Variants in UPK1B observed in about 807,000 individuals in gnomAD.
The protein encoded by UPK1B is uroplakin 1B.
UPK1B carries 28 observed loss-of-function variants against 34.2 expected under a neutral mutation model. The ratio of observed to expected loss-of-function variants is 0.82; its 90% CI spans 0.61 to 1.12. The LOEUF (loss-of-function observed/expected upper bound fraction) is 1.12, where lower values mean the gene tolerates loss of function less well. Among genes scored for constraint, UPK1B ranks in the 50% most tolerant of loss-of-function variants. The pLI is 0.00. For missense variants in UPK1B, 325 were observed against 320.9 expected (o/e 1.01, Z -0.10); for synonymous variants, 81 against 110.4 (o/e 0.73, Z 1.67).
rs1042853454 is a variant in UPK1B at position 119,203,821 on chromosome 3, C to T, written c.733-96C>T. ...AAACAAACAAAAAAATCTGTTGTCACCTAAGCCTGAATGAACCTAACATCC... is the reference window on the plus strand; with the variant it reads ...AAACAAACAAAAAAATCTGTTGTCATCTAAGCCTGAATGAACCTAACATCC... On this transcript the variant is annotated intron_variant, in intron 7 of 7. Coordinates refer to ENST00000264234, the MANE Select transcript of UPK1B (RefSeq NM_006952.4). The T allele has an allele frequency of 5.4e-6, 7 of 1,301,634 alleles. No individual in the cohort carries two copies. In the Admixed American group the frequency reaches 1.1e-4, roughly 20 times the overall value. 80.6% of individuals were successfully genotyped at this position (1,301,634 alleles called of 1,614,324 possible). A position where few individuals can be genotyped will look rare whatever the true frequency, so the allele number is the denominator to read the frequency against.
At position 119,204,062 on chromosome 3, in the gene UPK1B, A is replaced by G; in HGVS notation, c.*95A>G. On this transcript the variant is annotated 3_prime_UTR_variant, in exon 8 of 8. Transcript: ENST00000264234. ...CTAATATTCCACGTTTGTGCCCCAC[A>G]CTAACGTGTGTGTCTTACATTGCCA... 1.4e-6 allele frequency: 2 copies of G among 1,421,846 alleles called. No individual in the cohort carries two copies. The highest frequency in any genetic ancestry group is 2.3e-5 in the South Asian group (2 of 86,662). The allele number at this position is 1,421,846 out of a possible 1,614,324, so 88.1% of individuals were successfully genotyped here.
chr3:119,199,141 G>GT lies in UPK1B; in HGVS notation c.732+2dup. ...TGGATTTGCCATTCTCTGCTGGACT[G>GT]TGAGTATTTCCCAGCACATATTTTA... On this transcript the variant is annotated splice_donor_variant, in intron 7 of 7. Transcript: ENST00000264234. LOFTEE classifies it high-confidence loss of function. 6.2e-7 allele frequency: 1 copy of GT among 1,614,028 alleles called. No homozygotes were observed.
intron 6 of UPK1B, among the ~76,000 whole-genome samples, chr3:119,195,431 GCTGACAGGGTGC>G (rs1576871480): frequency 6.6e-6 from 1 of 152,348 alleles, no homozygotes; most frequent in East Asian, 1.9e-4. Flanking sequence ...TGGCACTGTT[GCTGACAGGGTGC>G]CTGGACTAGA....
At chr3:119,196,535 C>CTTTT (rs34406185) in intron 6 of UPK1B, among the ~76,000 whole-genome samples, 4 of 107,176 alleles carry the variant, frequency 3.7e-5, no homozygotes, top group South Asian at 3.1e-4. Context: ...TTTTCTTTTT[C>CTTTT]TTTTTTTTTT....
At chr3:119,178,142 G>A (rs2077966421) in intron 1 of UPK1B, among the ~76,000 whole-genome samples, 3 of 152,188 alleles carry the variant, frequency 2.0e-5, no homozygotes, top group Admixed American at 6.5e-5. Context: ...GAACCTGGAT[G>A]GGTGCTGCCT....
Position 119,194,374 on chromosome 3 carries a change from C to G in UPK1B, c.624C>G (p.Gly208=). Residue 208 remains glycine, a synonymous_variant, in exon 6 of 8, where the codon GGC becomes GGG. Transcript: ENST00000264234. ...EPLNLEACKL[G]VPGFYHNQGC... ...TCAACCTGGAGGCTTGTAAACTAGG[C>G]GTGCCTGGTTTTTATCACAATCAGG... 2 of 1,612,714 alleles carry G rather than the reference C, an allele frequency of 1.2e-6. No homozygotes were observed. The highest frequency in any genetic ancestry group is 1.1e-5 in the South Asian group (1 of 90,944).
chr3:119,181,717 T>C (rs2077990236), intron 1 of UPK1B, among the ~76,000 whole-genome samples: 1 of 152,240 alleles, frequency 6.6e-6, no homozygotes, highest in Admixed American at 6.5e-5. Flanking sequence ...TTTATCTTTT[T>C]ATTTAGCAAA....
intron 3 of UPK1B, 43 bp from the exon 4 acceptor site, chr3:119,190,202 A>T: frequency 6.9e-7 from 1 of 1,456,116 alleles, no homozygotes; most frequent in Non-Finnish European, 9.5e-7. Flanking sequence ...TCGCTCTTTG[A>T]CGGGTAAATG....
intron 6 of UPK1B, among the ~76,000 whole-genome samples, chr3:119,197,152 G>C (rs980766645): frequency 5.3e-5 from 8 of 152,148 alleles, no homozygotes; most frequent in African/African-American, 1.9e-4. Flanking sequence ...GTCACTATAA[G>C]CTTGTTAATA....
chr3:119,177,276 A>G (rs2077961192), intron 1 of UPK1B, among the ~76,000 whole-genome samples: 1 of 152,190 alleles, frequency 6.6e-6, no homozygotes, highest in African/African-American at 2.4e-5. Flanking sequence ...TCTCATGGGT[A>G]GGCTCACAGG....
rs1019677591 is a variant in UPK1B, at chr3:119,194,145, A to C, written c.469-74A>C. On this transcript the variant is annotated intron_variant, in intron 5 of 7. Transcript: ENST00000264234. ...ACTTTCCGTATCTTCTTTCTCTATAAAATTTCAGTTGCTACATTGATGGCT... is the reference window on the plus strand; with the variant it reads ...ACTTTCCGTATCTTCTTTCTCTATACAATTTCAGTTGCTACATTGATGGCT... The C allele has an allele frequency of 2.8e-6, 4 of 1,405,140 alleles. No homozygotes were observed. In the African/African-American group the frequency reaches 5.8e-5, roughly 21 times the overall value. 87.0% of individuals were successfully genotyped at this position (1,405,140 alleles called of 1,614,324 possible).
Position 119,204,891 on chromosome 3 carries a change from C to T in UPK1B, c.*924C>T, listed in dbSNP as rs72955073. 81 of 152,356 alleles carry T rather than the reference C, an allele frequency of 5.3e-4. No individual in the cohort carries two copies. The highest frequency in any genetic ancestry group is 1.9e-3 in the African/African-American group (79 of 41,542). 9.4% of individuals were successfully genotyped at this position (152,356 alleles called of 1,614,324 possible). A position where few individuals can be genotyped will look rare whatever the true frequency, so the allele number is the denominator to read the frequency against. ...CTCTGTCTCAAAACAAACAAAAAAG[C>T]GTGGGGACTTCTGGGGACAGACAAG... is the stretch of plus-strand genomic sequence containing the variant. On this transcript the variant is annotated 3_prime_UTR_variant, in exon 8 of 8. Coordinates refer to ENST00000264234, the MANE Select transcript of UPK1B (RefSeq NM_006952.4).
intron 6 of UPK1B, among the ~76,000 whole-genome samples, chr3:119,196,211 C>T (rs1043746706): frequency 4.6e-5 from 7 of 152,118 alleles, no homozygotes; most frequent in African/African-American, 1.7e-4. Context: ...TTCTGATTCT[C>T]CCTAGCCCAG....
Position 119,203,951 on chromosome 3 carries a change from G to C in UPK1B, c.767G>C (p.Ser256Thr). The change falls in exon 8 of 8, where the codon AGC (serine) becomes ACC (threonine). Residue 256 changes from serine to threonine, a missense_variant. By Grantham distance (58) the Ser-to-Thr change is moderately conservative. Transcript: ENST00000264234. ...CTCCTGGGTACCATGTTCTACTGGAGCAGAATTGAATATTAAGCATAAAGT... is the reference window on the plus strand; with the variant it reads ...CTCCTGGGTACCATGTTCTACTGGACCAGAATTGAATATTAAGCATAAAGT... ...WVLLGTMFYW[S>T]RIEY The C allele has an allele frequency of 1.2e-6, 2 of 1,613,990 alleles. No individual in the cohort carries two copies. Among genetic ancestry groups the C allele is most frequent in the South Asian group, 1.1e-5 (1 of 91,078 alleles).
At chr3:119,195,799 T>C (rs749022465) in intron 6 of UPK1B, among the ~76,000 whole-genome samples, 5 of 152,250 alleles carry the variant, frequency 3.3e-5, no homozygotes, top group Non-Finnish European at 7.3e-5. Context: ...TATACCTTTT[T>C]TCCTAGCACA....
intron 1 of UPK1B, among the ~76,000 whole-genome samples, chr3:119,179,692 A>C (rs2077979657): frequency 7.0e-6 from 1 of 142,864 alleles, no homozygotes; most frequent in Non-Finnish European, 1.5e-5. Flanking sequence ...TATTTTTGGT[A>C]GAGTCGGGGT....
At chr3:119,186,310 T>C (rs1163143132) in intron 1 of UPK1B, among the ~76,000 whole-genome samples, 1 of 152,258 alleles carries the variant, frequency 6.6e-6, no homozygotes, top group Non-Finnish European at 1.5e-5. Context: ...CCACTACCTC[T>C]GGCCATGAGT....
chr3:119,181,264 T>C (rs2077988789), intron 1 of UPK1B, among the ~76,000 whole-genome samples: 1 of 152,190 alleles, frequency 6.6e-6, no homozygotes, highest in South Asian at 2.1e-4. Context: ...TAGAGTTCCC[T>C]ACTGAAATCA....
chr3:119,190,548 G>A (rs1419176265), intron 4 of UPK1B, among the ~76,000 whole-genome samples: 1 of 152,194 alleles, frequency 6.6e-6, no homozygotes, highest in Non-Finnish European at 1.5e-5. Flanking sequence ...AAGTGACATA[G>A]TTGGCAACTG....
Sources: gnomAD v4.1 joint callset for allele counts (sites outside exome capture counted in the v4.1 genomes callset) on GRCh38, gnomAD v4.1.1 for gene constraint, MANE v1.5 for transcripts, NCBI Gene and HGNC (gene_info 2026-07-23, HGNC 2026-07-21) for gene names.